Variants in MERTK observed in about 807,000 individuals in gnomAD.
MERTK encodes tyrosine-protein kinase Mer.
MERTK carries 69 observed loss-of-function variants against 99.3 expected under a neutral mutation model. That is an observed-to-expected ratio of 0.70 (90% CI 0.57 to 0.85). The LOEUF (loss-of-function observed/expected upper bound fraction) is 0.85. Among genes scored for constraint, MERTK ranks in the 40% least tolerant of loss-of-function variants. The pLI, the probability that MERTK is intolerant of heterozygous loss-of-function variation, is 0.00. For missense variants in MERTK, 1,125 were observed against 1,249.4 expected, an observed-to-expected ratio of 0.90 and a Z score of 1.50; for synonymous variants, 426 against 467.6, an observed-to-expected ratio of 0.91 and a Z score of 1.15.
At chr2:111,956,528 A>G (rs1184264750) in intron 4 of MERTK, among the ~76,000 whole-genome samples, 1 of 152,206 alleles carries the variant, frequency 6.6e-6, no homozygotes, top group African/African-American at 2.4e-5. Flanking sequence ...GCTGGATATA[A>G]TTATTAATAT....
chr2:112,027,854 T>C (rs138750647), intron 18 of MERTK, among the ~76,000 whole-genome samples: 10 of 152,340 alleles, frequency 6.6e-5, no homozygotes, highest in Admixed American at 1.3e-4. Flanking sequence ...TTTGATGGCA[T>C]AGGACAGAGG....
intron 2 of MERTK, among the ~76,000 whole-genome samples, chr2:111,939,961 C>G (rs1347520418): frequency 6.6e-6 from 1 of 152,016 alleles, no homozygotes; most frequent in African/African-American, 2.4e-5. Context: ...GATGCCTGTC[C>G]TGGCTTCTTC....
At position 111,979,163 on chromosome 2, in the gene MERTK, T is replaced by G. The variant is rs928429479; in HGVS notation, c.1145-3679T>G. Among the ~76,000 whole-genome samples, 5 of 152,200 alleles carry G rather than the reference T, an allele frequency of 3.3e-5. No homozygotes were observed. In the East Asian group the frequency reaches 9.6e-4, roughly 29 times the overall value. On this transcript the variant is annotated intron_variant, in intron 7 of 18. Transcript: ENST00000295408. ...TGCCTTTCTTAGTTTATGCCCTCGT[T>G]TTTATGGAGCCCATTCTCAATTAGC...
intron 1 of MERTK, among the ~76,000 whole-genome samples, chr2:111,911,816 G>A (rs971983029): frequency 8.8e-5 from 13 of 147,436 alleles, no homozygotes; most frequent in African/African-American, 3.3e-4. Context: ...AGCCTGTTGA[G>A]TAGCTAGGAC....
Position 111,947,381 on chromosome 2 carries a change from G to GT in MERTK, c.584-9dup. 1 of 1,612,312 alleles carries GT rather than the reference G, an allele frequency of 6.2e-7. No individual in the cohort carries two copies. Among genetic ancestry groups the GT allele is most frequent in the East Asian group, 2.2e-5 (1 of 44,780 alleles). ...GATCTGAAACATTCTTTTGTGTAACGTTTTCTCCGCAGGACTTCCTCACTT... is the reference window on the plus strand; with the variant it reads ...GATCTGAAACATTCTTTTGTGTAACGTTTTTCTCCGCAGGACTTCCTCACTT... On this transcript the variant is annotated splice_polypyrimidine_tract_variant and intron_variant, in intron 3 of 18. Coordinates refer to ENST00000295408, the MANE Select transcript of MERTK (RefSeq NM_006343.3).
In MERTK at chr2:112,001,284, C is replaced by A; in HGVS notation, c.1688C>A (p.Thr563Asn). 1 of 1,610,882 alleles carries A rather than the reference C, an allele frequency of 6.2e-7. No individual in the cohort carries two copies. The highest frequency in any genetic ancestry group is 1.1e-5 in the South Asian group (1 of 91,020). The change falls in exon 11 of 19, where the codon ACC becomes AAC. Residue 563 changes from threonine to asparagine, a missense_variant and splice_region_variant. Physicochemically the swap from Thr to Asn is moderately conservative, Grantham distance 65. Coordinates refer to ENST00000295408, the MANE Select transcript of MERTK (RefSeq NM_006343.3). Reference protein sequence around the residue: ...KSFCRRAIELTLHSLGVSEEL... With the variant: ...KSFCRRAIELNLHSLGVSEEL... The stretch of plus-strand genomic sequence containing the variant: ...TTCTGTCGGCGAGCCATTGAACTTA[C>A]CTGTAAGTTGACTTTCATTTCCCTT...
At chr2:111,953,716 C>T (rs1026414823) in intron 4 of MERTK, among the ~76,000 whole-genome samples, 1 of 152,226 alleles carries the variant, frequency 6.6e-6, no homozygotes, top group Non-Finnish European at 1.5e-5. Context: ...GCTGGGATTA[C>T]AGGCACCCAC....
intron 1 of MERTK, among the ~76,000 whole-genome samples, chr2:111,902,903 CCAGTAGCTG>C (rs1415004955): frequency 6.6e-6 from 1 of 151,822 alleles, no homozygotes; most frequent in Middle Eastern, 3.2e-3. Flanking sequence ...CTCAGCCTTC[CCAGTAGCTG>C]GGATTACAGG....
chr2:111,928,316 C>T (rs1558774785), intron 1 of MERTK, among the ~76,000 whole-genome samples: 4 of 143,928 alleles, frequency 2.8e-5, no homozygotes, highest in South Asian at 4.6e-4. Context: ...GCCTTGATCT[C>T]CTGGGCTCAA....
intron 18 of MERTK, chr2:112,024,953 A>C (rs1418416048): frequency 6.5e-6 from 1 of 154,388 alleles, no homozygotes; most frequent in Non-Finnish European, 1.5e-5. Flanking sequence ...ACAACAACAA[A>C]AACCCAAAAA....
At chr2:111,899,360 A>G (rs970632687) in intron 1 of MERTK, among the ~76,000 whole-genome samples, 2 of 152,176 alleles carry the variant, frequency 1.3e-5, no homozygotes, top group Non-Finnish European at 2.9e-5. Context: ...GGCTGCTCCC[A>G]ATGGGCCCTT....
At chr2:111,924,853 G>C (rs1052314332) in intron 1 of MERTK, among the ~76,000 whole-genome samples, 6 of 152,056 alleles carry the variant, frequency 3.9e-5, no homozygotes, top group African/African-American at 1.2e-4. Flanking sequence ...CCATCCCTCA[G>C]ATCCATCCTT....
At chr2:111,959,318 C>A (rs1168420229) in intron 4 of MERTK, among the ~76,000 whole-genome samples, 1 of 152,136 alleles carries the variant, frequency 6.6e-6, no homozygotes, top group African/African-American at 2.4e-5. Flanking sequence ...AGTTACTTCG[C>A]CAGTTCTCCC....
At chr2:111,921,661 A>G (rs1684461589) in intron 1 of MERTK, among the ~76,000 whole-genome samples, 1 of 152,198 alleles carries the variant, frequency 6.6e-6, no homozygotes, top group South Asian at 2.1e-4. Flanking sequence ...TTTATGTGCC[A>G]TATGTTCATG....
intron 4 of MERTK, among the ~76,000 whole-genome samples, chr2:111,957,752 G>A (rs1428039755): frequency 4.6e-5 from 7 of 152,256 alleles, no homozygotes; most frequent in Admixed American, 1.3e-4. Flanking sequence ...AGATAGAGAG[G>A]TCCAAGTTAA....
At chr2:111,945,929 TCCTGA>T (rs1190633097) in intron 3 of MERTK, among the ~76,000 whole-genome samples, 7 of 152,248 alleles carry the variant, frequency 4.6e-5, no homozygotes, top group African/African-American at 1.7e-4. Context: ...TTCTACTTTA[TCCTGA>T]CCTTCCTTGT....
At chr2:112,016,275 A>G (rs934405614) in intron 15 of MERTK, among the ~76,000 whole-genome samples, 1 of 152,208 alleles carries the variant, frequency 6.6e-6, no homozygotes, top group Non-Finnish European at 1.5e-5. Context: ...CTGACTGATG[A>G]ATAGTTTCCA....
In MERTK at chr2:111,968,146, C is replaced by T. The variant is rs1244644651; in HGVS notation, c.854C>T (p.Ser285Phe). Residue 285 changes from serine to phenylalanine, a missense_variant, in exon 6 of 19, where the codon TCC (serine) becomes TTC (phenylalanine). Transcript: ENST00000295408. Reference sequence around the variant, plus strand: ...GTTTTGTTTTATGCAGCAATTCCCTCCCCACCAACTGAAGTCAGCATCCGT... The same window carrying T: ...GTTTTGTTTTATGCAGCAATTCCCTTCCCACCAACTGAAGTCAGCATCCGT... The part of the protein sequence containing the change: ...GVQINIKAIP[S>F]PPTEVSIRNS... 3 of 1,613,008 alleles carry T rather than the reference C, an allele frequency of 1.9e-6. No individual in the cohort carries two copies. The highest frequency in any genetic ancestry group is 2.5e-6 in the Non-Finnish European group (3 of 1,179,172).
intron 1 of MERTK, among the ~76,000 whole-genome samples, chr2:111,921,197 A>G (rs1032803001): frequency 3.3e-5 from 5 of 152,236 alleles, no homozygotes; most frequent in Non-Finnish European, 4.4e-5. Flanking sequence ...TAGAGAGGGT[A>G]GGGAAACAGG....
Sources: gnomAD v4.1 joint callset for allele counts (sites outside exome capture counted in the v4.1 genomes callset) on GRCh38, gnomAD v4.1.1 for gene constraint, MANE v1.5 for transcripts, NCBI Gene and HGNC (gene_info 2026-07-23, HGNC 2026-07-21) for gene names.